CATSPERT: variants seen among roughly 807,000 people sequenced by gnomAD.
CATSPERT encodes the protein catsper channel auxiliary subunit tau.
the CATSPERT span, among the ~76,000 whole-genome samples, chr2:201,540,502 A>G: frequency 6.6e-6 from 1 of 152,182 alleles, no homozygotes; most frequent in African/African-American, 2.4e-5. Flanking sequence ...GGCCCTTAAC[A>G]TTTATGTCAA....
chr2:201,513,117 A>T, the CATSPERT span, among the ~76,000 whole-genome samples: 30 of 151,446 alleles, frequency 2.0e-4, 1 homozygote, highest in South Asian at 3.3e-3. Context: ...ATAAAAAAAT[A>T]AAAAAAAGAA....
chr2:201,489,627 C>T, the CATSPERT span, among the ~76,000 whole-genome samples: 9 of 152,098 alleles, frequency 5.9e-5, no homozygotes, highest in Non-Finnish European at 8.8e-5. Context: ...AAAGCAATTA[C>T]GCAGAAATTA....
the CATSPERT span, among the ~76,000 whole-genome samples, chr2:201,568,202 ACT>A: frequency 6.6e-6 from 1 of 151,764 alleles, no homozygotes; most frequent in Non-Finnish European, 1.5e-5. Context: ...TTTATTTCCC[ACT>A]CTCTGACACA....
At chr2:201,583,025 A>T in the CATSPERT span, among the ~76,000 whole-genome samples, 1 of 152,242 alleles carries the variant, frequency 6.6e-6, no homozygotes, top group Admixed American at 6.5e-5. Flanking sequence ...GAAACAGTAG[A>T]AAACTACAAA....
At chr2:201,492,708 A>G in the CATSPERT span, 1 of 1,535,468 alleles carries the variant, frequency 6.5e-7, no homozygotes, top group Non-Finnish European at 8.7e-7. Context: ...AATTGTTGAC[A>G]AAAGACATGA....
At chr2:201,494,001 T>C in the CATSPERT span, 762 of 1,536,658 alleles carry the variant, frequency 5.0e-4, 2 homozygotes, top group African/African-American at 9.7e-3. Flanking sequence ...TTTTAATTAC[T>C]TGACCACCTT....
At chr2:201,548,476 T>C in the CATSPERT span, among the ~76,000 whole-genome samples, 170 of 152,098 alleles carry the variant, frequency 1.1e-3, no homozygotes, top group Non-Finnish European at 1.5e-3. Context: ...GACTAGGATT[T>C]TAACATATGA....
the CATSPERT span, among the ~76,000 whole-genome samples, chr2:201,523,032 A>T: frequency 6.6e-6 from 1 of 151,990 alleles, no homozygotes; most frequent in African/African-American, 2.4e-5. Flanking sequence ...ACCATCAGAG[A>T]GCTTTTGTAG....
the CATSPERT span, among the ~76,000 whole-genome samples, chr2:201,590,069 T>C: frequency 6.6e-6 from 1 of 152,134 alleles, no homozygotes; most frequent in Non-Finnish European, 1.5e-5. Flanking sequence ...TGTGCCATGC[T>C]GGTGCACTGC....
the CATSPERT span, among the ~76,000 whole-genome samples, chr2:201,513,753 C>T: frequency 6.6e-6 from 1 of 152,094 alleles, no homozygotes; most frequent in African/African-American, 2.4e-5. Flanking sequence ...GTAGCCGTAA[C>T]AAAATGAAAT....
the CATSPERT span, among the ~76,000 whole-genome samples, chr2:201,522,278 A>C: frequency 2.3e-3 from 344 of 152,256 alleles, 3 homozygotes; most frequent in African/African-American, 7.9e-3. Context: ...TCTACCAAAA[A>C]CTCTTATAAC....
At chr2:201,562,643 C>A in the CATSPERT span, among the ~76,000 whole-genome samples, 5 of 147,180 alleles carry the variant, frequency 3.4e-5, no homozygotes, top group African/African-American at 1.2e-4. Context: ...TCTGGTTTTC[C>A]TAGGCAGAGG....
At chr2:201,579,144 T>A in the CATSPERT span, among the ~76,000 whole-genome samples, 1 of 152,338 alleles carries the variant, frequency 6.6e-6, no homozygotes, top group South Asian at 2.1e-4. Context: ...ATATCAGTAT[T>A]ATACCCAAGA....
At chr2:201,599,045 C>T in the CATSPERT span, among the ~76,000 whole-genome samples, 1 of 152,074 alleles carries the variant, frequency 6.6e-6, no homozygotes, top group Admixed American at 6.5e-5. Context: ...CCTCAGCAAC[C>T]CCCAAAAGGC....
At chr2:201,494,793 A>G in the CATSPERT span, 1 of 1,460,476 alleles carries the variant, frequency 6.8e-7, no homozygotes, top group Non-Finnish European at 9.0e-7. Flanking sequence ...GACATTTGGT[A>G]GCAATGATTT....
the CATSPERT span, chr2:201,534,184 T>C: frequency 6.4e-6 from 1 of 157,204 alleles, no homozygotes; most frequent in South Asian, 2.0e-4. Flanking sequence ...CCCTAACAGC[T>C]ATTCAAGGTG....
At chr2:201,507,444 A>G in the CATSPERT span, among the ~76,000 whole-genome samples, 1 of 152,242 alleles carries the variant, frequency 6.6e-6, no homozygotes, top group African/African-American at 2.4e-5. Context: ...TTAAAATCTC[A>G]GAGTTATAGA....
chr2:201,506,577 G>C, the CATSPERT span, among the ~76,000 whole-genome samples: 29 of 151,992 alleles, frequency 1.9e-4, no homozygotes, highest in Admixed American at 1.8e-3. Flanking sequence ...TTTTTGAGAC[G>C]GAGTCTTGCT....
At chr2:201,596,808 C>G in the CATSPERT span, among the ~76,000 whole-genome samples, 3 of 152,084 alleles carry the variant, frequency 2.0e-5, no homozygotes, top group Non-Finnish European at 2.9e-5. Flanking sequence ...TTTTTTAGAT[C>G]TAGAATTTTT....
Sources: gnomAD v4.1 joint callset for allele counts (sites outside exome capture counted in the v4.1 genomes callset) on GRCh38, gnomAD v4.1.1 for gene constraint, MANE v1.5 for transcripts, NCBI Gene and HGNC (gene_info 2026-07-23, HGNC 2026-07-21) for gene names.